Variants in FHIT observed in about 807,000 individuals in gnomAD.
FHIT encodes bis(5'-adenosyl)-triphosphatase.
Under a neutral mutation model 17.9 loss-of-function variants are expected in FHIT, and 19 were observed. That is an observed-to-expected ratio of 1.06 (90% CI 0.74 to 1.56). FHIT has a LOEUF of 1.56. Ranked by LOEUF, FHIT falls within the 40% of genes most tolerant of loss-of-function variation. The pLI is 0.00. For missense variants in FHIT, 248 were observed against 189.2 expected, an observed-to-expected ratio of 1.31 and a Z score of -1.82; for synonymous variants, 81 against 69.7, an observed-to-expected ratio of 1.16 and a Z score of -0.81.
chr3:60,161,352 C>A (rs1700930224), intron 5 of FHIT, among the ~76,000 whole-genome samples: 1 of 152,166 alleles, frequency 6.6e-6, no homozygotes, highest in South Asian at 2.1e-4. Flanking sequence ...CATGGCCAAT[C>A]CTGAATAAAT....
intron 4 of FHIT, among the ~76,000 whole-genome samples, chr3:60,664,609 G>T (rs1419859036): frequency 2.0e-5 from 3 of 151,290 alleles, no homozygotes; most frequent in African/African-American, 7.3e-5. Flanking sequence ...TAGTCCTAGA[G>T]ATTTCTTTTT....
In FHIT at chr3:60,697,170, TACAGAAC is replaced by T. The variant is rs1553700833; in HGVS notation, c.-18+124742_-18+124748del. Among the ~76,000 whole-genome samples, 7 of 152,272 alleles carry T rather than the reference TACAGAAC, an allele frequency of 4.6e-5. No homozygotes were observed. In the East Asian group the frequency reaches 1.4e-3, roughly 29 times the overall value. ...TTCAATTTATATAAAATTTAAAATATACAGAACTTACAGTGATTGCAAGTACCTAAGC... is the reference window on the plus strand; with the variant it reads ...TTCAATTTATATAAAATTTAAAATATTTACAGTGATTGCAAGTACCTAAGC... On this transcript the variant is annotated intron_variant, in intron 4 of 9. Transcript: ENST00000492590.
intron 1 of FHIT, chr3:61,244,044 C>T (rs765535485): frequency 6.6e-6 from 1 of 152,174 alleles, no homozygotes; most frequent in Non-Finnish European, 1.5e-5. Context: ...TTATTAGAAT[C>T]AGTGGTTTTC....
intron 5 of FHIT, among the ~76,000 whole-genome samples, chr3:60,151,825 C>A (rs1247843508): frequency 1.3e-5 from 2 of 152,146 alleles, no homozygotes; most frequent in Non-Finnish European, 2.9e-5. Context: ...CCTAGACCTC[C>A]TAACAAAAAT....
intron 5 of FHIT, among the ~76,000 whole-genome samples, chr3:60,127,221 G>T (rs1358936480): frequency 6.6e-6 from 1 of 152,146 alleles, no homozygotes; most frequent in African/African-American, 2.4e-5. Flanking sequence ...CCCAGGGGAG[G>T]CTGACAGGCA....
intron 7 of FHIT, among the ~76,000 whole-genome samples, chr3:59,958,790 C>T (rs1428500471): frequency 1.3e-5 from 2 of 152,142 alleles, no homozygotes; most frequent in Non-Finnish European, 2.9e-5. Context: ...TTTTTCTCCT[C>T]TTCCCTCACT....
intron 4 of FHIT, among the ~76,000 whole-genome samples, chr3:60,773,894 A>G (rs1371314205): frequency 6.6e-6 from 1 of 152,202 alleles, no homozygotes; most frequent in African/African-American, 2.4e-5. Context: ...GCCTTTAATC[A>G]TCTTCTTGAT....
chr3:60,951,742 G>A (rs1170594150), intron 3 of FHIT, among the ~76,000 whole-genome samples: 1 of 152,222 alleles, frequency 6.6e-6, no homozygotes, highest in Non-Finnish European at 1.5e-5. Flanking sequence ...AGTATTTAAG[G>A]AGAATGATCT....
At chr3:60,973,092 G>C (rs1710090746) in intron 3 of FHIT, among the ~76,000 whole-genome samples, 1 of 151,988 alleles carries the variant, frequency 6.6e-6, no homozygotes, top group African/African-American at 2.4e-5. Context: ...CTTGTTTCCT[G>C]GCATGCCTAC....
intron 5 of FHIT, among the ~76,000 whole-genome samples, chr3:60,211,205 T>A (rs1703437612): frequency 6.6e-6 from 1 of 151,784 alleles, no homozygotes; most frequent in Non-Finnish European, 1.5e-5. Context: ...ATAGAGTATA[T>A]ATAACTTTTC....
At chr3:60,703,572 T>C (rs9311772) in intron 4 of FHIT, among the ~76,000 whole-genome samples, 17,871 of 152,224 alleles carry the variant, frequency 0.12, 2,339 homozygotes, top group African/African-American at 0.32. Flanking sequence ...TTTTTAATTA[T>C]ATACTTCCAC....
At chr3:61,001,811 T>C (rs898180807) in intron 3 of FHIT, among the ~76,000 whole-genome samples, 40 of 152,128 alleles carry the variant, frequency 2.6e-4, no homozygotes, top group African/African-American at 9.4e-4. Flanking sequence ...CACAAATGAG[T>C]ACCTGCATAA....
chr3:60,715,644 G>C (rs13073213), intron 4 of FHIT, among the ~76,000 whole-genome samples: 1 of 115,870 alleles, frequency 8.6e-6, no homozygotes, highest in Non-Finnish European at 1.7e-5. Context: ...GGGGGGAGGG[G>C]TAGCCTTAGG....
intron 5 of FHIT, among the ~76,000 whole-genome samples, chr3:60,179,773 C>T (rs1218168322): frequency 6.6e-6 from 1 of 152,108 alleles, no homozygotes; most frequent in African/African-American, 2.4e-5. Flanking sequence ...TGGTCTAGAA[C>T]ACTAAGGAAA....
At chr3:59,918,238 T>C (rs905550007) in intron 8 of FHIT, among the ~76,000 whole-genome samples, 2 of 152,204 alleles carry the variant, frequency 1.3e-5, no homozygotes, top group African/African-American at 2.4e-5. Context: ...AATGTGTTCA[T>C]TCATTTTCAA....
intron 5 of FHIT, among the ~76,000 whole-genome samples, chr3:60,087,788 C>T (rs1703559146): frequency 6.6e-6 from 1 of 152,200 alleles, no homozygotes; most frequent in Non-Finnish European, 1.5e-5. Context: ...TTGGTCACAA[C>T]CACTTAGCCA....
At chr3:59,942,908 C>A (rs2107274070) in intron 7 of FHIT, among the ~76,000 whole-genome samples, 1 of 152,176 alleles carries the variant, frequency 6.6e-6, no homozygotes, top group East Asian at 1.9e-4. Context: ...CTCGGCCTCC[C>A]AAAGTGCTGG....
At chr3:60,645,272 G>A (rs1326501116) in intron 4 of FHIT, among the ~76,000 whole-genome samples, 5 of 152,034 alleles carry the variant, frequency 3.3e-5, no homozygotes, top group Admixed American at 6.6e-5. Flanking sequence ...TGGCCACTTC[G>A]CAAGCAGGAG....
chr3:60,644,038 A>T (rs1559608709), intron 4 of FHIT, among the ~76,000 whole-genome samples: 1 of 152,200 alleles, frequency 6.6e-6, no homozygotes, highest in Non-Finnish European at 1.5e-5. Context: ...GAGAAATCCC[A>T]TGGCTGGTAG....
Sources: gnomAD v4.1 joint callset for allele counts (sites outside exome capture counted in the v4.1 genomes callset) on GRCh38, gnomAD v4.1.1 for gene constraint, MANE v1.5 for transcripts, NCBI Gene and HGNC (gene_info 2026-07-23, HGNC 2026-07-21) for gene names.